Variants in GALNT13 observed in about 807,000 individuals in gnomAD.
GALNT13 encodes the protein polypeptide N-acetylgalactosaminyltransferase 13, also known as UDP-GalNAc:polypeptide N-acetylgalactosaminyltransferase 13.
GALNT13 carries 28 observed loss-of-function variants against 64.2 expected under a neutral mutation model. The ratio of observed to expected loss-of-function variants is 0.44; its 90% confidence interval spans 0.32 to 0.60. The LOEUF is 0.60. Ranked by LOEUF, GALNT13 falls within the 20% of genes least tolerant of loss-of-function variation. GALNT13 has a pLI of 0.05. For synonymous variants in GALNT13, 214 were observed against 224.6 expected (o/e 0.95, Z 0.42); for missense variants, 577 against 669.8 (o/e 0.86, Z 1.53).
At chr2:153,525,388 T>G in the GALNT13 span, among the ~76,000 whole-genome samples, 1,662 of 152,164 alleles carry the variant, frequency 0.011, 25 homozygotes, top group African/African-American at 0.038. Flanking sequence ...AAGGGGACTT[T>G]GTTTTGCACC....
chr2:153,301,187 A>G, the GALNT13 span, among the ~76,000 whole-genome samples: 14 of 151,572 alleles, frequency 9.2e-5, no homozygotes, highest in Non-Finnish European at 1.6e-4. Context: ...CCGGAGTGAG[A>G]CCTTACCAGC....
At chr2:153,610,768 G>A in the GALNT13 span, among the ~76,000 whole-genome samples, 5,083 of 152,212 alleles carry the variant, frequency 0.033, 129 homozygotes, top group Middle Eastern at 0.054. Context: ...TATTTCAGAC[G>A]TGTGGAAGGT....
chr2:154,285,495 T>C (rs1692212354), intron 8 of GALNT13, among the ~76,000 whole-genome samples: 1 of 152,188 alleles, frequency 6.6e-6, no homozygotes, highest in Admixed American at 6.5e-5. Flanking sequence ...TCATTATGTG[T>C]TCTTGCCACC....
rs1353284832 is a variant in GALNT13 at position 154,182,475 on chromosome 2, G to A, written c.311+41970G>A. On this transcript the variant is annotated intron_variant, in intron 4 of 12. Transcript: ENST00000392825. ...ATTGGTTCTATTTTGTGGTCATTAA[G>A]GATCTTTCTTTCCCCCTATCCATGT... Among the ~76,000 whole-genome samples, 4 of 151,796 alleles carry A rather than the reference G, an allele frequency of 2.6e-5. No homozygotes were observed. In the East Asian group the frequency reaches 7.7e-4, roughly 29 times the overall value.
chr2:153,457,733 GT>G, the GALNT13 span, among the ~76,000 whole-genome samples: 3 of 152,022 alleles, frequency 2.0e-5, no homozygotes, highest in Non-Finnish European at 4.4e-5. Flanking sequence ...CAATTCTCCT[GT>G]TTTTTTCTGT....
At chr2:153,841,786 A>T in the GALNT13 span, among the ~76,000 whole-genome samples, 3 of 152,204 alleles carry the variant, frequency 2.0e-5, no homozygotes, top group Non-Finnish European at 2.9e-5. Context: ...TAAAATTATT[A>T]TAAGGTCCTT....
chr2:153,151,311 C>A, the GALNT13 span, among the ~76,000 whole-genome samples: 1 of 151,860 alleles, frequency 6.6e-6, no homozygotes, highest in African/African-American at 2.4e-5. Context: ...GAATGGCAAT[C>A]ATTGAAAATC....
intron 9 of GALNT13, among the ~76,000 whole-genome samples, chr2:154,388,398 A>T (rs1249599118): frequency 2.0e-5 from 3 of 152,144 alleles, no homozygotes; most frequent in African/African-American, 7.2e-5. Flanking sequence ...TTTAGTTGGA[A>T]ACCATCAAAC....
chr2:154,380,695 G>A (rs1698224793), intron 9 of GALNT13, among the ~76,000 whole-genome samples: 2 of 151,964 alleles, frequency 1.3e-5, no homozygotes, highest in South Asian at 2.1e-4. Context: ...CACGAACTTG[G>A]TGGCTGAAAT....
At chr2:153,147,885 A>G in the GALNT13 span, among the ~76,000 whole-genome samples, 1 of 151,816 alleles carries the variant, frequency 6.6e-6, no homozygotes, top group African/African-American at 2.4e-5. Flanking sequence ...GATCACAGTA[A>G]CAGTAGCTGG....
chr2:153,769,116 G>A, the GALNT13 span, among the ~76,000 whole-genome samples: 1 of 152,082 alleles, frequency 6.6e-6, no homozygotes, highest in East Asian at 1.9e-4. Flanking sequence ...TTATTATGTG[G>A]GATTTTGTTC....
chr2:153,692,496 C>T, the GALNT13 span, among the ~76,000 whole-genome samples: 1 of 152,124 alleles, frequency 6.6e-6, no homozygotes, highest in Admixed American at 6.6e-5. Context: ...GGTGTGTTAT[C>T]GTAAAATTAA....
chr2:154,189,617 A>G (rs1191320321), intron 4 of GALNT13, among the ~76,000 whole-genome samples: 1 of 151,934 alleles, frequency 6.6e-6, no homozygotes, highest in Admixed American at 6.6e-5. Context: ...TATGTTTTCT[A>G]TGGTATTTTA....
the GALNT13 span, among the ~76,000 whole-genome samples, chr2:153,267,209 C>CA: frequency 1.3e-5 from 2 of 152,214 alleles, no homozygotes; most frequent in East Asian, 1.9e-4. Context: ...CTGTAAGGTA[C>CA]AGCCCCTGAA....
the GALNT13 span, among the ~76,000 whole-genome samples, chr2:153,860,012 T>A: frequency 6.6e-6 from 1 of 152,194 alleles, no homozygotes; most frequent in South Asian, 2.1e-4. Context: ...AGGTAGATTT[T>A]TTTGAAGGTG....
At chr2:153,953,510 A>G (rs1458557216) in intron 3 of GALNT13, among the ~76,000 whole-genome samples, 2 of 152,176 alleles carry the variant, frequency 1.3e-5, no homozygotes, top group Non-Finnish European at 2.9e-5. Context: ...AACTTTTACA[A>G]CCAATGGAAT....
chr2:153,340,327 C>A, the GALNT13 span, among the ~76,000 whole-genome samples: 1 of 151,902 alleles, frequency 6.6e-6, no homozygotes, highest in Non-Finnish European at 1.5e-5. Context: ...AGCCTAATTT[C>A]TCTGGATAGG....
chr2:153,721,541 T>C, the GALNT13 span, among the ~76,000 whole-genome samples: 90 of 149,624 alleles, frequency 6.0e-4, 2 homozygotes, highest in South Asian at 4.5e-3. Context: ...TCAAGACCCA[T>C]CAGTGTGCTG....
At chr2:153,629,764 T>C in the GALNT13 span, among the ~76,000 whole-genome samples, 1 of 149,444 alleles carries the variant, frequency 6.7e-6, no homozygotes, top group Admixed American at 6.6e-5. Context: ...AAAGGGCTAA[T>C]ATCCAGAATC....
Sources: allele counts gnomAD v4.1 joint callset (sites outside exome capture counted in the v4.1 genomes callset), GRCh38; gene constraint gnomAD v4.1.1; transcripts MANE v1.5; gene names NCBI Gene and HGNC (gene_info 2026-07-23, HGNC 2026-07-21).